The following ADGRL2 variants were observed in gnomAD, a reference collection of about 807,000 sequenced individuals.
ADGRL2 encodes the protein adhesion G protein-coupled receptor L2.
In ADGRL2, 44 loss-of-function variants were observed where a neutral mutation model predicts 157.4. The ratio of observed to expected loss-of-function variants is 0.28; its 90% confidence interval spans 0.22 to 0.36. The LOEUF (loss-of-function observed/expected upper bound fraction) is 0.36, where lower values mean the gene tolerates loss of function less well. Ranked by LOEUF, ADGRL2 falls within the 10% of genes least tolerant of loss-of-function variation. The probability of loss-of-function intolerance (pLI) is 1.00; values close to 1 mark genes in which losing one functional copy is unlikely to be tolerated. For missense variants in ADGRL2, 1,510 were observed against 1,768.9 expected (o/e 0.85, Z 2.63); for synonymous variants, 585 against 624.7 (o/e 0.94, Z 0.95).
chr1:81,912,776 AT>A (rs1170950223), intron 3 of ADGRL2, among the ~76,000 whole-genome samples: 1 of 152,150 alleles, frequency 6.6e-6, no homozygotes, highest in Admixed American at 6.6e-5. Context: ...TTTTTATTCT[AT>A]TTTGACAGCT....
intron 2 of ADGRL2, among the ~76,000 whole-genome samples, chr1:81,868,048 CTGTGTGTGTGTGGTG>C (rs1314604541): frequency 2.3e-5 from 3 of 129,044 alleles, no homozygotes; most frequent in Non-Finnish European, 3.2e-5. Flanking sequence ...TTGGGCAAGG[CTGTGTGTGTGTGGTG>C]TGTGTGTGTG....
At chr1:81,549,584 C>T (rs2080095363) in intron 2 of ADGRL2, among the ~76,000 whole-genome samples, 1 of 152,138 alleles carries the variant, frequency 6.6e-6, no homozygotes, top group Admixed American at 6.5e-5. Context: ...AAATACATTT[C>T]AGAGAATACT....
intron 3 of ADGRL2, among the ~76,000 whole-genome samples, chr1:81,673,876 G>A (rs1192610186): frequency 2.6e-5 from 4 of 152,122 alleles, no homozygotes; most frequent in South Asian, 2.1e-4. Flanking sequence ...TAATAATGGA[G>A]GTTATAATGT....
At chr1:81,851,734 T>TTGTGTGTGTGTG (rs5775643) in intron 2 of ADGRL2, among the ~76,000 whole-genome samples, 8,494 of 146,276 alleles carry the variant, frequency 0.058, 287 homozygotes, top group Middle Eastern at 0.09. Context: ...CCACTTAAAT[T>TTGTGTGTGTGTG]TGTGTGTGTG....
chr1:81,341,062 C>T (rs1272013220), intron 1 of ADGRL2, among the ~76,000 whole-genome samples: 3 of 151,978 alleles, frequency 2.0e-5, no homozygotes, highest in Non-Finnish European at 4.4e-5. Context: ...TCGACGGTTA[C>T]AAAGAATGGT....
intron 1 of ADGRL2, among the ~76,000 whole-genome samples, chr1:81,344,276 A>G (rs1025342318): frequency 2.0e-5 from 3 of 152,180 alleles, no homozygotes; most frequent in African/African-American, 7.2e-5. Context: ...GAGATTGGCC[A>G]TGCTGTGAGT....
chr1:81,779,018 T>C (rs2086707902), intron 2 of ADGRL2, among the ~76,000 whole-genome samples: 1 of 152,226 alleles, frequency 6.6e-6, no homozygotes, highest in Admixed American at 6.5e-5. Flanking sequence ...CAGTAAATGC[T>C]ATCTACATTA....
rs116104649 is a variant in ADGRL2, at chr1:81,607,349, T to C, written c.-143+26369T>C. Reference sequence around the variant, plus strand: ...CGGTGAATGAAATACATGTAGTCTCTGCCATCATGGAATTTTTAATCTAGT... The same window carrying C: ...CGGTGAATGAAATACATGTAGTCTCCGCCATCATGGAATTTTTAATCTAGT... On this transcript the variant is annotated intron_variant, in intron 3 of 24. Transcript: ENST00000370721. 5.8e-3 allele frequency among the ~76,000 whole-genome samples: 878 copies of C among 152,330 alleles called. 6 individuals are homozygous for C. The highest frequency in any genetic ancestry group is 0.02 in the African/African-American group (831 of 41,566).
At chr1:81,337,396 C>T (rs1165070815) in intron 1 of ADGRL2, among the ~76,000 whole-genome samples, 4 of 152,148 alleles carry the variant, frequency 2.6e-5, no homozygotes, top group African/African-American at 2.4e-5. Flanking sequence ...CCTGCTGGTG[C>T]CCCGAAGCGC....
chr1:81,505,033 C>T (rs560183523), intron 2 of ADGRL2: 35 of 388,992 alleles, frequency 9.0e-5, no homozygotes, highest in African/African-American at 1.2e-4. Context: ...TGGGAGACAC[C>T]GCATGTGGCG....
At chr1:81,520,699 C>T (rs1478172226) in intron 2 of ADGRL2, among the ~76,000 whole-genome samples, 3 of 152,160 alleles carry the variant, frequency 2.0e-5, no homozygotes, top group African/African-American at 2.4e-5. Flanking sequence ...TTCCCTGAGG[C>T]CTCCCCAACC....
At chr1:81,542,467 G>A (rs371744911) in intron 2 of ADGRL2, among the ~76,000 whole-genome samples, 1 of 152,152 alleles carries the variant, frequency 6.6e-6, no homozygotes, top group African/African-American at 2.4e-5. Flanking sequence ...GCTGTTAGGC[G>A]AGGCGTGGTT....
chr1:81,987,386 G>C, intron 22 of ADGRL2: 2 of 1,274,300 alleles, frequency 1.6e-6, no homozygotes, highest in African/African-American at 1.5e-5. Flanking sequence ...TCTAAAGCTT[G>C]CTGACAAAAT....
chr1:81,332,497 A>G (rs1353474895), intron 1 of ADGRL2, among the ~76,000 whole-genome samples: 1 of 152,206 alleles, frequency 6.6e-6, no homozygotes, highest in Non-Finnish European at 1.5e-5. Context: ...AATCAAATTT[A>G]GCAGTATCTA....
chr1:81,688,601 A>C, intron 3 of ADGRL2, among the ~76,000 whole-genome samples: 1 of 151,760 alleles, frequency 6.6e-6, no homozygotes, highest in South Asian at 2.1e-4. Context: ...ATTTCCTTGC[A>C]TTGGGCTTTG....
chr1:81,879,264 A>G (rs2093922189), intron 2 of ADGRL2, among the ~76,000 whole-genome samples: 1 of 151,554 alleles, frequency 6.6e-6, no homozygotes, highest in Non-Finnish European at 1.5e-5. Context: ...AACACAGAGT[A>G]ATTAGCGAGC....
chr1:81,438,252 G>C (rs2077444672), intron 1 of ADGRL2, among the ~76,000 whole-genome samples: 1 of 152,100 alleles, frequency 6.6e-6, no homozygotes, highest in Non-Finnish European at 1.5e-5. Flanking sequence ...CTGCTCAGGA[G>C]ATCCCATTAT....
intron 2 of ADGRL2, among the ~76,000 whole-genome samples, chr1:81,783,664 G>C (rs1196246358): frequency 1.3e-5 from 2 of 152,018 alleles, no homozygotes; most frequent in African/African-American, 4.8e-5. Context: ...ACGATGATAG[G>C]ACTTTTACGT....
rs76478860 is a variant in ADGRL2, at chr1:81,970,243, T to G, written c.2734-71T>G. 95 of 968,092 alleles carry G rather than the reference T, an allele frequency of 9.8e-5. No individual in the cohort carries two copies. The East Asian group carries it at 2.1e-3, about 21-fold the overall frequency. 60.0% of individuals were successfully genotyped at this position (968,092 alleles called of 1,614,324 possible). Reference sequence around the variant, plus strand: ...AATAGTGATTTCTCTTAGTGAGTATTTTATAATTTTGGAGTGGGCTATTTT... The same window carrying G: ...AATAGTGATTTCTCTTAGTGAGTATGTTATAATTTTGGAGTGGGCTATTTT... On this transcript the variant is annotated intron_variant, in intron 15 of 23. Transcript: ENST00000686636.
Sources: allele counts gnomAD v4.1 joint callset (sites outside exome capture counted in the v4.1 genomes callset), GRCh38; gene constraint gnomAD v4.1.1; transcripts MANE v1.5; gene names NCBI Gene and HGNC (gene_info 2026-07-23, HGNC 2026-07-21).